Variants in KDM8 observed in about 807,000 individuals in gnomAD.
The protein encoded by KDM8 is bifunctional peptidase and arginyl-hydroxylase JMJD5.
A neutral mutation model predicts 46.9 loss-of-function variants in KDM8; 35 were observed. The observed-to-expected ratio is 0.75, with a 90% CI of 0.57 to 0.99. The LOEUF is 0.99. Ranked by LOEUF, KDM8 falls within the 50% of genes least tolerant of loss-of-function variation. The pLI, the probability that KDM8 is intolerant of heterozygous loss-of-function variation, is 0.00. For synonymous variants in KDM8, 232 were observed against 227.7 expected, an observed-to-expected ratio of 1.02 and a Z score of -0.17; for missense variants, 475 against 537.0, an observed-to-expected ratio of 0.88 and a Z score of 1.14.
intron 5 of KDM8, among the ~76,000 whole-genome samples, chr16:27,218,320 C>T (rs1212236108): frequency 6.6e-6 from 1 of 152,132 alleles, no homozygotes; most frequent in Non-Finnish European, 1.5e-5. Context: ...GGAGGCCAGG[C>T]CACTGCGGCC....
At chr16:27,214,607 T>C (rs909826507) in intron 3 of KDM8, 30 of 420,808 alleles carry the variant, frequency 7.1e-5, no homozygotes, top group Admixed American at 1.4e-4. Flanking sequence ...GAGGAGGCTG[T>C]TGGCAAGCAG....
At chr16:27,204,362 A>T in intron 1 of KDM8, 1 of 1,345,890 alleles carries the variant, frequency 7.4e-7, no homozygotes, top group Non-Finnish European at 9.5e-7. Context: ...CGGACGACCC[A>T]AACACAAGAC....
intron 1 of KDM8, chr16:27,204,232 A>G: frequency 7.0e-7 from 1 of 1,432,544 alleles, no homozygotes; most frequent in Non-Finnish European, 9.2e-7. Context: ...AGGTGCTTGT[A>G]GCTCGGTAGG....
intron 1 of KDM8, 124 bp downstream of exon 1, chr16:27,203,760 C>T (rs1342639574): frequency 3.4e-6 from 1 of 297,788 alleles, no homozygotes; most frequent in Non-Finnish European, 6.3e-6. Flanking sequence ...GCGCGTGCGC[C>T]TTGGAAAACC....
intron 6 of KDM8, among the ~76,000 whole-genome samples, chr16:27,219,558 T>C (rs1261475396): frequency 6.6e-6 from 1 of 152,204 alleles, no homozygotes; most frequent in East Asian, 1.9e-4. Flanking sequence ...TGTCTACTGC[T>C]GTAAGACCAC....
intron 1 of KDM8, among the ~76,000 whole-genome samples, chr16:27,206,685 C>A (rs777118848): frequency 1.2e-4 from 19 of 152,212 alleles, no homozygotes; most frequent in Non-Finnish European, 2.1e-4. Flanking sequence ...CCTCTTGATA[C>A]AACAAGAAGC....
chr16:27,205,444 C>T (rs975075664), intron 1 of KDM8, among the ~76,000 whole-genome samples: 1 of 152,150 alleles, frequency 6.6e-6, no homozygotes, highest in Non-Finnish European at 1.5e-5. Context: ...TTGATCTCCC[C>T]CTGAAAGCTG....
intron 1 of KDM8, among the ~76,000 whole-genome samples, chr16:27,209,378 C>T (rs981519216): frequency 4.6e-5 from 7 of 152,176 alleles, no homozygotes; most frequent in Non-Finnish European, 7.3e-5. Context: ...AGGCATGTAC[C>T]GCCGTGCCCA....
At chr16:27,213,461 A>C (rs533008804) in intron 2 of KDM8, 124 bp from the exon 3 acceptor site, 2 of 901,658 alleles carry the variant, frequency 2.2e-6, no homozygotes, top group Non-Finnish European at 1.7e-6. Flanking sequence ...AACGTTGTCT[A>C]TTGTTGTTAC....
At chr16:27,218,869 T>C in intron 5 of KDM8, 92 bp from the exon 6 acceptor site, 3 of 1,367,826 alleles carry the variant, frequency 2.2e-6, no homozygotes, top group South Asian at 2.4e-5. Context: ...ACATAATGGA[T>C]ATAGGTATGT....
intron 2 of KDM8, chr16:27,213,335 C>T: frequency 2.6e-6 from 1 of 386,872 alleles, no homozygotes; most frequent in Non-Finnish European, 4.7e-6. Flanking sequence ...TCCTTTATTG[C>T]AGAATGTCTG....
chr16:27,209,959 C>G, intron 1 of KDM8, 134 bp from the exon 2 acceptor site: 1 of 910,604 alleles, frequency 1.1e-6, no homozygotes, highest in Non-Finnish European at 1.7e-6. Context: ...AGGGCCCTCC[C>G]CTCCAGAGCT....
intron 1 of KDM8, 49 bp from the exon 2 acceptor site, chr16:27,210,044 G>T (rs762924346): frequency 2.0e-6 from 3 of 1,512,240 alleles, no homozygotes; most frequent in Admixed American, 4.1e-5. Context: ...ATGCACAGGG[G>T]ATCAGGTCTG....
chr16:27,215,898 A>T (rs1335038052), intron 4 of KDM8, 47 bp from the exon 5 acceptor site: 2 of 1,605,868 alleles, frequency 1.2e-6, no homozygotes, highest in Non-Finnish European at 1.7e-6. Flanking sequence ...ATCTGTCATG[A>T]CTAACTGGGC....
In KDM8 at chr16:27,219,120, G is replaced by T; in HGVS notation, c.993+10G>T. On this transcript the variant is annotated intron_variant, in intron 6 of 7. Coordinates refer to ENST00000286096, the MANE Select transcript of KDM8 (RefSeq NM_024773.3). ...AAACTTCCTAGTGCAGGTTGGAGCT[G>T]CAGCTGGAATAGTGGCCTTCTAACT... The T allele has an allele frequency of 3.1e-6, 5 of 1,598,190 alleles. No homozygotes were observed. Among genetic ancestry groups the T allele is most frequent in the Non-Finnish European group, 4.3e-6 (5 of 1,170,066 alleles).
chr16:27,206,843 T>C (rs2083433000), intron 1 of KDM8, among the ~76,000 whole-genome samples: 2 of 152,186 alleles, frequency 1.3e-5, no homozygotes, highest in Admixed American at 1.3e-4. Context: ...CTGCTTCTCA[T>C]AGCCCATGAG....
Position 27,206,186 on chromosome 16 carries a change from C to A in KDM8, c.-32+2550C>A, listed in dbSNP as rs372456879. 6.9e-4 allele frequency: 677 copies of A among 979,950 alleles called. 5 individuals are homozygous for A. The South Asian group carries it at 0.025, about 36-fold the overall frequency. 60.7% of individuals were successfully genotyped at this position (979,950 alleles called of 1,614,324 possible). A position where few individuals can be genotyped will look rare whatever the true frequency, so the allele number is the denominator to read the frequency against. ...GCTTCACACATCTTTTTTCTTCTTG[C>A]AGGGAACTGGCAAGTCACACATCTT... is the stretch of plus-strand genomic sequence containing the variant. On this transcript the variant is annotated intron_variant, in intron 1 of 7. Coordinates refer to ENST00000286096, the MANE Select transcript of KDM8 (RefSeq NM_024773.3).
chr16:27,208,625 T>C (rs1395578714), intron 1 of KDM8, among the ~76,000 whole-genome samples: 1 of 152,070 alleles, frequency 6.6e-6, no homozygotes, highest in Non-Finnish European at 1.5e-5. Context: ...TGAGGTCTTT[T>C]GGATGCTCAA....
At chr16:27,219,248 A>C in intron 6 of KDM8, 138 bp downstream of exon 6, 55 of 957,264 alleles carry the variant, frequency 5.7e-5, no homozygotes, top group East Asian at 1.7e-4. Flanking sequence ...AAAAATATAA[A>C]GCAAACCCAC....
Sources: gnomAD v4.1 joint callset for allele counts (sites outside exome capture counted in the v4.1 genomes callset) on GRCh38, gnomAD v4.1.1 for gene constraint, MANE v1.5 for transcripts, NCBI Gene and HGNC (gene_info 2026-07-23, HGNC 2026-07-21) for gene names.